SMCO1: variants seen among roughly 807,000 people sequenced by gnomAD.
SMCO1 encodes the protein single-pass membrane protein with coiled-coil domains 1.
A neutral mutation model predicts 7.5 loss-of-function variants in SMCO1; 9 were observed. The observed-to-expected ratio is 1.20, with a 90% CI of 0.72 to 2.09. The LOEUF is 2.09. Among genes scored for constraint, SMCO1 ranks in the 30% most tolerant of loss-of-function variants. The pLI, the probability that SMCO1 is intolerant of heterozygous loss-of-function variation, is 0.00. For missense variants in SMCO1, 219 were observed against 253.1 expected (o/e 0.87, Z 0.91); for synonymous variants, 90 against 93.8 (o/e 0.96, Z 0.23).
At chr3:196,514,213 A>G (rs1476742723) in intron 1 of SMCO1, among the ~76,000 whole-genome samples, 1 of 152,160 alleles carries the variant, frequency 6.6e-6, no homozygotes, top group Non-Finnish European at 1.5e-5. Context: ...TCTCCTCAGC[A>G]GGAAAGTCAA....
At chr3:196,510,729 C>G (rs1197780457) in intron 1 of SMCO1, among the ~76,000 whole-genome samples, 1 of 152,184 alleles carries the variant, frequency 6.6e-6, no homozygotes, top group Non-Finnish European at 1.5e-5. Flanking sequence ...CCTCTGTGGA[C>G]CCATCTCCCG....
Position 196,507,711 on chromosome 3 carries a change from T to G in SMCO1, c.*176A>C. Reference sequence around the variant, plus strand: ...ACTTCATATCATTACACAAAGAGCTTCTTCATTCTTTTATATGGCTGCAAA... The same window carrying G: ...ACTTCATATCATTACACAAAGAGCTGCTTCATTCTTTTATATGGCTGCAAA... On this transcript the variant is annotated 3_prime_UTR_variant, in exon 3 of 3. Transcript: ENST00000397537. 1 of 565,142 alleles carries G rather than the reference T, an allele frequency of 1.8e-6. No homozygotes were observed. The highest frequency in any genetic ancestry group is 3.1e-6 in the Non-Finnish European group (1 of 318,342). The allele number at this position is 565,142 out of a possible 1,614,324, so 35.0% of individuals were successfully genotyped here. A position where few individuals can be genotyped will look rare whatever the true frequency, so the allele number is the denominator to read the frequency against.
At chr3:196,512,867 A>G (rs946635882) in intron 1 of SMCO1, among the ~76,000 whole-genome samples, 1 of 151,972 alleles carries the variant, frequency 6.6e-6, no homozygotes, top group African/African-American at 2.4e-5. Flanking sequence ...GTCAAACTCA[A>G]CTCTCCTAAG....
upstream of SMCO1, among the ~76,000 whole-genome samples, chr3:196,518,214 G>C (rs1173374983): frequency 6.6e-6 from 1 of 152,212 alleles, no homozygotes; most frequent in African/African-American, 2.4e-5. Flanking sequence ...GCCACACCTG[G>C]TCAAACCAAT....
At chr3:196,508,899 T>G (rs1301689068) in intron 2 of SMCO1, among the ~76,000 whole-genome samples, 6 of 125,176 alleles carry the variant, frequency 4.8e-5, no homozygotes, top group African/African-American at 1.9e-4. Flanking sequence ...ATTGCCCCAC[T>G]GCACTCCAGC....
upstream of SMCO1, among the ~76,000 whole-genome samples, chr3:196,516,194 T>C (rs7652666): frequency 0.056 from 8,433 of 149,942 alleles, 776 homozygotes; most frequent in African/African-American, 0.19. Context: ...TAAAATCTAG[T>C]TGGGAAGAAA....
At chr3:196,518,306 C>T (rs1733430006), upstream of SMCO1, among the ~76,000 whole-genome samples, 1 of 152,222 alleles carries the variant, frequency 6.6e-6, no homozygotes, top group South Asian at 2.1e-4. Flanking sequence ...GGGGGTTATT[C>T]CATTTGGAGC....
intron 1 of SMCO1, among the ~76,000 whole-genome samples, chr3:196,512,430 C>T (rs1031818743): frequency 1.3e-5 from 2 of 151,788 alleles, no homozygotes; most frequent in African/African-American, 4.8e-5. Context: ...ATCTTTTATT[C>T]TTGGTCCTAA....
rs189259904 is a variant in SMCO1 at position 196,509,300 on chromosome 3, G to A, written c.200+220C>T. 4.5e-3 allele frequency among the ~76,000 whole-genome samples: 666 copies of A among 149,110 alleles called. 7 individuals are homozygous for A. Among genetic ancestry groups the A allele is most frequent in the African/African-American group, 0.015 (622 of 40,406 alleles). ...AGGGTGGTCTCGATCTCCTGACCTC[G>A]TGATCCGCCCGCCTCGGCCTCCCAA... On this transcript the variant is annotated intron_variant, in intron 2 of 2. Transcript: ENST00000397537.
At chr3:196,515,106 A>T in intron 1 of SMCO1, 54 bp downstream of exon 1, 1 of 1,598,444 alleles carries the variant, frequency 6.3e-7, no homozygotes, top group Non-Finnish European at 8.6e-7. Context: ...TCTCTTACCC[A>T]TCTTCCCAGA....
rs943645381 is a variant in SMCO1, at chr3:196,509,671, T to C, written c.51-2A>G. 1 of 1,612,320 alleles carries C rather than the reference T, an allele frequency of 6.2e-7. No homozygotes were observed. Among genetic ancestry groups the C allele is most frequent in the Admixed American group, 1.7e-5 (1 of 59,952 alleles). ...AACGCTTGGAGTTTGTGGTCTACTC[T>C]GTAGGATAACAGAATCAAGGGTTAG... On this transcript the variant is annotated splice_acceptor_variant, in intron 1 of 2. Coordinates refer to ENST00000397537, the MANE Select transcript of SMCO1 (RefSeq NM_001077657.3). LOFTEE classifies it high-confidence loss of function.
upstream of SMCO1, among the ~76,000 whole-genome samples, chr3:196,520,087 G>A (rs1166733402): frequency 2.0e-5 from 3 of 152,064 alleles, no homozygotes; most frequent in African/African-American, 4.8e-5. Context: ...TAAAACGCTG[G>A]GACTTCTTCA....
upstream of SMCO1, chr3:196,515,379 G>A: frequency 1.7e-6 from 1 of 593,984 alleles, no homozygotes; most frequent in East Asian, 2.8e-5. Context: ...GCTTTTAATA[G>A]CCTGCAGATC....
chr3:196,513,322 C>A lies in SMCO1; in HGVS notation c.50+1838G>T, dbSNP rs185838400. Among the ~76,000 whole-genome samples the A allele has an allele frequency of 2.0e-3, 292 of 147,910 alleles. 2 individuals carry two copies. The highest frequency in any genetic ancestry group is 0.012 in the Admixed American group (176 of 14,818). On this transcript the variant is annotated intron_variant, in intron 1 of 2. Transcript: ENST00000397537. Reference sequence around the variant, plus strand: ...TCAGCTTGAGCAACACAGCAAGACCCTGTGTCAAAAAAAAAAAAAGAAAGT... The same window carrying A: ...TCAGCTTGAGCAACACAGCAAGACCATGTGTCAAAAAAAAAAAAAGAAAGT...
chr3:196,517,136 TTAATC>T (rs1234723639), upstream of SMCO1, among the ~76,000 whole-genome samples: 15 of 126,186 alleles, frequency 1.2e-4, no homozygotes, highest in African/African-American at 5.2e-4. Flanking sequence ...AAAAAAAAGA[TTAATC>T]TAGCAGTGAT....
intron 2 of SMCO1, 136 bp from the exon 3 acceptor site, chr3:196,508,467 G>T: frequency 2.9e-6 from 2 of 696,280 alleles, no homozygotes; most frequent in Non-Finnish European, 4.4e-6. Flanking sequence ...ATTTACTTTA[G>T]AATTTAAATT....
chr3:196,507,844 A>G lies in SMCO1; in HGVS notation c.*43T>C, dbSNP rs111869058. 7,779 of 1,297,460 alleles carry G rather than the reference A, an allele frequency of 6.0e-3. 54 individuals are homozygous for G. Among genetic ancestry groups the G allele is most frequent in the South Asian group, 0.015 (1,149 of 74,550 alleles). The allele number at this position is 1,297,460 out of a possible 1,614,324, so 80.4% of individuals were successfully genotyped here. ...GTGCATACTTTTTGCTGTTTCCAAG[A>G]TAAATTACTGTAGGTGGAATCACTG... On this transcript the variant is annotated 3_prime_UTR_variant, in exon 3 of 3. Transcript: ENST00000397537.
At chr3:196,519,684 T>A (rs1183543100), upstream of SMCO1, among the ~76,000 whole-genome samples, 2 of 152,184 alleles carry the variant, frequency 1.3e-5, no homozygotes, top group African/African-American at 4.8e-5. Context: ...TCCAGCACAT[T>A]CCCTCCGTTA....
rs144704778 is a variant in SMCO1 at position 196,511,834 on chromosome 3, T to C, written c.51-2165A>G. On this transcript the variant is annotated intron_variant, in intron 1 of 2. Coordinates refer to ENST00000397537, the MANE Select transcript of SMCO1 (RefSeq NM_001077657.3). Reference sequence around the variant, plus strand: ...AACCTGCCTGGGCCGCCTAGATTGTTGTTATGAGGGAAACCTGCCTGGGCT... The same window carrying C: ...AACCTGCCTGGGCCGCCTAGATTGTCGTTATGAGGGAAACCTGCCTGGGCT... Among the ~76,000 whole-genome samples the C allele has an allele frequency of 2.1e-3, 220 of 107,136 alleles. 7 individuals carry two copies. Among genetic ancestry groups the C allele is most frequent in the Admixed American group, 0.016 (175 of 11,216 alleles). The allele number at this position is 107,136 out of a possible 152,430, so 70.3% of individuals were successfully genotyped here. A position where few individuals can be genotyped will look rare whatever the true frequency, so the allele number is the denominator to read the frequency against.
Sources: allele counts gnomAD v4.1 joint callset (sites outside exome capture counted in the v4.1 genomes callset), GRCh38; gene constraint gnomAD v4.1.1; transcripts MANE v1.5; gene names NCBI Gene and HGNC (gene_info 2026-07-23, HGNC 2026-07-21).